Variants in CDH8 observed in about 807,000 individuals in gnomAD.
The protein encoded by CDH8 is cadherin-8.
In CDH8, 17 loss-of-function variants were observed where a neutral mutation model predicts 68.1. The ratio of observed to expected loss-of-function variants is 0.25; its 90% CI spans 0.17 to 0.37. CDH8 has a LOEUF of 0.37. Among genes scored for constraint, CDH8 ranks in the 10% least tolerant of loss-of-function variants. The probability of loss-of-function intolerance (pLI) is 1.00; values close to 1 mark genes in which losing one functional copy is unlikely to be tolerated. For synonymous variants in CDH8, 372 were observed against 365.1 expected (o/e 1.02, Z -0.21); for missense variants, 763 against 999.3 (o/e 0.76, Z 3.19).
intron 10 of CDH8, among the ~76,000 whole-genome samples, chr16:61,685,804 T>C (rs1332687878): frequency 2.0e-5 from 3 of 151,974 alleles, no homozygotes; most frequent in Non-Finnish European, 4.4e-5. Flanking sequence ...ACCCATACTT[T>C]TCTTAGAAGA....
intron 2 of CDH8, among the ~76,000 whole-genome samples, chr16:61,907,050 G>A (rs1222859930): frequency 1.3e-5 from 2 of 152,084 alleles, no homozygotes; most frequent in Non-Finnish European, 2.9e-5. Context: ...TCCTTCTCAA[G>A]GTTGCACACA....
intron 3 of CDH8, among the ~76,000 whole-genome samples, chr16:61,893,763 A>T (rs1963821114): frequency 6.6e-6 from 1 of 152,232 alleles, no homozygotes. Context: ...TCTGAGCATC[A>T]GGATAAATAA....
chr16:61,679,253 T>A (rs1963970215), intron 10 of CDH8, among the ~76,000 whole-genome samples: 1 of 152,038 alleles, frequency 6.6e-6, no homozygotes, highest in South Asian at 2.1e-4. Context: ...TTTGTTATAT[T>A]TACACAACCT....
chr16:61,904,453 A>C (rs1016078428), intron 2 of CDH8, among the ~76,000 whole-genome samples: 1 of 152,186 alleles, frequency 6.6e-6, no homozygotes, highest in East Asian at 1.9e-4. Context: ...GGGATCCCCA[A>C]TTTCTAGGCC....
At position 62,021,180 on chromosome 16, in the gene CDH8, G is replaced by C; in HGVS notation, c.224C>G (p.Ser75Cys). 1 of 1,614,026 alleles carries C rather than the reference G, an allele frequency of 6.2e-7. No homozygotes were observed. The highest frequency in any genetic ancestry group is 8.5e-7 in the Non-Finnish European group (1 of 1,179,924). ...WNQMFVLEEF[S>C]GPEPILVGRL... ...GCCAACAAGAATCGGTTCAGGTCCA[G>C]AAAACTCTTCCAGGACAAACATTTG... Residue 75 changes from serine (S) to cysteine (C), a missense_variant, in exon 2 of 12, where the codon TCT becomes TGT. By Grantham distance (112) the Ser-to-Cys change is moderately radical. Coordinates refer to ENST00000577390, the MANE Select transcript of CDH8 (RefSeq NM_001796.5).
intron 10 of CDH8, among the ~76,000 whole-genome samples, chr16:61,656,241 C>T (rs1354217235): frequency 2.6e-5 from 4 of 152,134 alleles, no homozygotes; most frequent in Admixed American, 6.5e-5. Flanking sequence ...CCTGACGGAC[C>T]AACGGAGTTT....
intron 3 of CDH8, among the ~76,000 whole-genome samples, chr16:61,860,772 C>T (rs1173602643): frequency 2.6e-5 from 4 of 152,196 alleles, no homozygotes; most frequent in Non-Finnish European, 5.9e-5. Flanking sequence ...TACCAAATTT[C>T]CTTCTAGTGG....
At chr16:61,755,837 A>G (rs1960301056) in intron 8 of CDH8, among the ~76,000 whole-genome samples, 2 of 150,596 alleles carry the variant, frequency 1.3e-5, no homozygotes, top group South Asian at 4.2e-4. Context: ...TGGTGGGGAC[A>G]GGGTCTCGCG....
chr16:61,779,437 G>GTGTGTGTGTT (rs1186547490), intron 8 of CDH8, among the ~76,000 whole-genome samples: 1 of 148,060 alleles, frequency 6.8e-6, no homozygotes, highest in Middle Eastern at 3.5e-3. Context: ...GTGTGTGTGT[G>GTGTGTGTGTT]TGTGTGTGTG....
rs1963915599 is a variant in CDH8 at position 61,898,823 on chromosome 16, C to T, written c.547+2356G>A. ...TCAACAATATCGCTTCCATGTTGTA[C>T]GTGGGATTTGAGAGTGCATCAGAGT... On this transcript the variant is annotated intron_variant, in intron 3 of 11. Transcript: ENST00000577390. 1.3e-5 allele frequency among the ~76,000 whole-genome samples: 2 copies of T among 151,584 alleles called. 1 individual carries two copies. The highest frequency in any genetic ancestry group is 4.2e-4 in the South Asian group (2 of 4,798).
intron 4 of CDH8, among the ~76,000 whole-genome samples, chr16:61,847,511 AC>A (rs1479720522): frequency 1.4e-5 from 2 of 145,088 alleles, no homozygotes; most frequent in Non-Finnish European, 3.0e-5. Flanking sequence ...ATGTTAATTA[AC>A]CCCCTTCTGT....
chr16:61,706,153 G>T (rs879771595), intron 10 of CDH8, among the ~76,000 whole-genome samples: 1 of 152,152 alleles, frequency 6.6e-6, no homozygotes, highest in Admixed American at 6.5e-5. Context: ...GTCCTACAGA[G>T]AAAAGAAAAG....
chr16:61,858,141 G>T (rs1963082190), intron 3 of CDH8, among the ~76,000 whole-genome samples: 1 of 151,852 alleles, frequency 6.6e-6, no homozygotes, highest in Non-Finnish European at 1.5e-5. Flanking sequence ...AGTTCGAGGG[G>T]GAATAAGAGG....
chr16:61,698,416 G>C (rs1459663131), intron 10 of CDH8, among the ~76,000 whole-genome samples: 1 of 152,128 alleles, frequency 6.6e-6, no homozygotes, highest in African/African-American at 2.4e-5. Flanking sequence ...TTGCCTCCGA[G>C]AGTCTTTTAT....
In CDH8 at chr16:61,789,437, A is replaced by G; in HGVS notation, c.1323T>C (p.Ile441=). ...GCGTTATCTTCCCATCGTCTGCATT[A>G]ATGTTGAACTGCCTCTCCAGGTCAG... is the stretch of plus-strand genomic sequence containing the variant. ...RHTDLERQFN[I]NADDGKITLA... Residue 441 remains isoleucine, a synonymous_variant, in exon 8 of 12, where the codon ATT becomes ATC. Transcript: ENST00000577390. The G allele has an allele frequency of 6.2e-7, 1 of 1,613,156 alleles. No individual in the cohort carries two copies. Among genetic ancestry groups the G allele is most frequent in the Non-Finnish European group, 8.5e-7 (1 of 1,179,354 alleles).
intron 10 of CDH8, among the ~76,000 whole-genome samples, chr16:61,666,763 G>C (rs968619372): frequency 6.6e-6 from 1 of 152,090 alleles, no homozygotes; most frequent in Middle Eastern, 3.4e-3. Flanking sequence ...TGTTTAGTAG[G>C]TATGGACAAG....
At chr16:61,679,642 T>C (rs779101494) in intron 10 of CDH8, among the ~76,000 whole-genome samples, 2 of 152,008 alleles carry the variant, frequency 1.3e-5, no homozygotes, top group Non-Finnish European at 1.5e-5. Context: ...TGTAATTCAA[T>C]AGTTTATCTT....
chr16:61,648,888 C>T lies in CDH8; in HGVS notation c.*4720G>A, dbSNP rs1176089027. 5 of 151,966 alleles carry T rather than the reference C, an allele frequency of 3.3e-5. No individual in the cohort carries two copies. The East Asian group carries it at 9.7e-4, about 30-fold the overall frequency. The allele number at this position is 151,966 out of a possible 1,614,324, so 9.4% of individuals were successfully genotyped here. Reference sequence around the variant, plus strand: ...GAATATCTTCAATAGCAACAGTATACCATGTAATCCATAAATTTGTGTTGA... The same window carrying T: ...GAATATCTTCAATAGCAACAGTATATCATGTAATCCATAAATTTGTGTTGA... On this transcript the variant is annotated 3_prime_UTR_variant, in exon 12 of 12. Transcript: ENST00000577390.
chr16:61,675,194 G>T (rs1307061546), intron 10 of CDH8, among the ~76,000 whole-genome samples: 1 of 151,918 alleles, frequency 6.6e-6, no homozygotes, highest in Non-Finnish European at 1.5e-5. Context: ...TAAATATGTG[G>T]TTCCCAAATG....
Sources: allele counts gnomAD v4.1 joint callset (sites outside exome capture counted in the v4.1 genomes callset), GRCh38; gene constraint gnomAD v4.1.1; transcripts MANE v1.5; gene names NCBI Gene and HGNC (gene_info 2026-07-23, HGNC 2026-07-21).